The following CAMTA1 variants were observed in gnomAD, a reference collection of about 807,000 sequenced individuals.
CAMTA1 encodes calmodulin binding transcription activator 1.
CAMTA1 carries 27 observed loss-of-function variants against 170.9 expected under a neutral mutation model. The observed-to-expected ratio is 0.16, with a 90% CI of 0.12 to 0.22. CAMTA1 has a LOEUF of 0.22. CAMTA1 is among the 10% of genes least tolerant of loss of function. The probability of loss-of-function intolerance (pLI) is 1.00; values close to 1 mark genes in which losing one functional copy is unlikely to be tolerated. For synonymous variants in CAMTA1, 833 were observed against 891.5 expected, an observed-to-expected ratio of 0.93 and a Z score of 1.17; for missense variants, 1,619 against 2,217.2, an observed-to-expected ratio of 0.73 and a Z score of 5.42.
rs145576136 is a variant in CAMTA1 at position 7,672,136 on chromosome 1, G to T, written c.2779+1099G>T. The T allele has an allele frequency of 1.0e-3, 464 of 450,132 alleles. 2 individuals carry two copies. Among genetic ancestry groups the T allele is most frequent in the African/African-American group, 8.3e-3 (414 of 50,054 alleles). The allele number at this position is 450,132 out of a possible 1,614,324, so 27.9% of individuals were successfully genotyped here. A position where few individuals can be genotyped will look rare whatever the true frequency, so the allele number is the denominator to read the frequency against. ...ATGCAGGGGTGCGGAACGGCAGGGA[G>T]ACCCACCCCTGTCCTCTAACGTCAG... On this transcript the variant is annotated intron_variant, in intron 10 of 22. Coordinates refer to ENST00000303635, the MANE Select transcript of CAMTA1 (RefSeq NM_015215.4).
At chr1:7,566,926 C>T (rs570385689) in intron 6 of CAMTA1, among the ~76,000 whole-genome samples, 1 of 152,312 alleles carries the variant, frequency 6.6e-6, no homozygotes, top group Admixed American at 6.5e-5. Flanking sequence ...TCTTCATGGA[C>T]CTTGCCTGCT....
intron 6 of CAMTA1, among the ~76,000 whole-genome samples, chr1:7,563,431 G>A (rs1351415035): frequency 1.3e-5 from 2 of 152,212 alleles, no homozygotes; most frequent in African/African-American, 4.8e-5. Flanking sequence ...GAGGCTCGGT[G>A]GGACCTGCTA....
rs1655405946 is a variant in CAMTA1 at position 7,195,738 on chromosome 1, G to A, written c.303-53753G>A. Among the ~76,000 whole-genome samples, 1 of 152,232 alleles carries A rather than the reference G, an allele frequency of 6.6e-6. No homozygotes were observed. Among genetic ancestry groups the A allele is most frequent in the South Asian group, 2.1e-4 (1 of 4,832 alleles). ...GGGGTTCGATTAAGAGAGCTTGTGGGCTGGGCGCAGTGGCTCATGCCTGTA... is the reference window on the plus strand; with the variant it reads ...GGGGTTCGATTAAGAGAGCTTGTGGACTGGGCGCAGTGGCTCATGCCTGTA... On this transcript the variant is annotated intron_variant, in intron 4 of 22. Coordinates refer to ENST00000303635, the MANE Select transcript of CAMTA1 (RefSeq NM_015215.4). This position sits in a 1 kb window ranked among gnomAD's most constrained non-coding sequence, Gnocchi z 4.1.
In CAMTA1 at chr1:7,195,596, G is replaced by C. The variant is rs962798061; in HGVS notation, c.303-53895G>C. Among the ~76,000 whole-genome samples the C allele has an allele frequency of 5.9e-5, 9 of 152,158 alleles. No homozygotes were observed. The highest frequency in any genetic ancestry group is 2.2e-4 in the African/African-American group (9 of 41,428). On this transcript the variant is annotated intron_variant, in intron 4 of 22. Transcript: ENST00000303635. This position sits in a 1 kb window ranked among gnomAD's most constrained non-coding sequence, Gnocchi z 4.1. ...CTGTGACACTCTCCCGCCACACATG[G>C]CACACTCACCTTCAGCCAGGTGCCC...
At chr1:6,995,643 A>G (rs952054077) in intron 3 of CAMTA1, among the ~76,000 whole-genome samples, 2 of 152,206 alleles carry the variant, frequency 1.3e-5, no homozygotes, top group Non-Finnish European at 2.9e-5. Flanking sequence ...TTTAAAATAC[A>G]AATCATTATT....
Position 7,738,696 on chromosome 1 carries a change from C to G in CAMTA1, c.4182+214C>G, listed in dbSNP as rs2096788608. On this transcript the variant is annotated intron_variant, in intron 16 of 22. Transcript: ENST00000303635. This position sits in a 1 kb window ranked among gnomAD's most constrained non-coding sequence, Gnocchi z 4.9. ...GGAGTAGGGCCTGAATACCAGTGACCCCGGTCTCAGCAAAGCCTTCCCTCT... is the reference window on the plus strand; with the variant it reads ...GGAGTAGGGCCTGAATACCAGTGACGCCGGTCTCAGCAAAGCCTTCCCTCT... 6.6e-6 allele frequency among the ~76,000 whole-genome samples: 1 copy of G among 152,148 alleles called. No individual in the cohort carries two copies. Among genetic ancestry groups the G allele is most frequent in the Non-Finnish European group, 1.5e-5 (1 of 68,030 alleles).
At chr1:6,792,189 C>T (rs1208121015) in intron 1 of CAMTA1, among the ~76,000 whole-genome samples, 1 of 151,986 alleles carries the variant, frequency 6.6e-6, no homozygotes, top group Non-Finnish European at 1.5e-5. Flanking sequence ...AATTCCTGGC[C>T]TCAAGTGATC....
chr1:7,191,960 G>C (rs964320574), intron 4 of CAMTA1, among the ~76,000 whole-genome samples: 5 of 152,166 alleles, frequency 3.3e-5, no homozygotes, highest in Non-Finnish European at 5.9e-5. Context: ...TCCTCTCTCT[G>C]TGCCTCAACA....
intron 4 of CAMTA1, among the ~76,000 whole-genome samples, chr1:7,099,726 A>G (rs1180054715): frequency 2.0e-5 from 3 of 152,120 alleles, no homozygotes; most frequent in Non-Finnish European, 4.4e-5. Context: ...CTCTGGAACC[A>G]TCCGGGTTCT....
At chr1:7,352,829 G>T (rs1482166107) in intron 5 of CAMTA1, among the ~76,000 whole-genome samples, 3 of 152,188 alleles carry the variant, frequency 2.0e-5, no homozygotes, top group Non-Finnish European at 4.4e-5. Context: ...TCTTGGCAAG[G>T]CCCGGATCTT....
chr1:7,147,437 A>C (rs1049553332), intron 4 of CAMTA1, among the ~76,000 whole-genome samples: 9 of 151,508 alleles, frequency 5.9e-5, no homozygotes, highest in East Asian at 2.0e-4. Context: ...AAAAAAAAAA[A>C]AACACCCCAA....
At chr1:7,190,564 G>A (rs1654325648) in intron 4 of CAMTA1, among the ~76,000 whole-genome samples, 1 of 152,182 alleles carries the variant, frequency 6.6e-6, no homozygotes, top group African/African-American at 2.4e-5. Flanking sequence ...AGACTGAGGT[G>A]AGTAGCGGAG....
At chr1:7,003,783 C>T (rs1257738145) in intron 3 of CAMTA1, among the ~76,000 whole-genome samples, 2 of 152,046 alleles carry the variant, frequency 1.3e-5, no homozygotes, top group Non-Finnish European at 2.9e-5. Flanking sequence ...TATCATAGGC[C>T]AGGGATGAGA....
intron 5 of CAMTA1, among the ~76,000 whole-genome samples, chr1:7,294,776 G>A (rs1459332539): frequency 1.3e-5 from 2 of 152,240 alleles, no homozygotes; most frequent in East Asian, 1.9e-4. Flanking sequence ...TTCTGAGCCT[G>A]CAGGTGAGGA....
chr1:7,230,432 A>ACCCCCCCCCCCCCCCCCCCCCC (rs66934266), intron 4 of CAMTA1, among the ~76,000 whole-genome samples: 1 of 38,218 alleles, frequency 2.6e-5, no homozygotes. Flanking sequence ...CTCTGGGCTG[A>ACCCCCCCCCCCCCCCCCCCCCC]CCCCCCCCCC....
chr1:7,650,227 G>T (rs997139327), intron 7 of CAMTA1, among the ~76,000 whole-genome samples: 1 of 152,228 alleles, frequency 6.6e-6, no homozygotes, highest in Admixed American at 6.5e-5. Context: ...ACGGTGCAAA[G>T]AATTCCCAGC....
rs59546165 is a variant in CAMTA1, at chr1:7,311,601, G to GT, written c.438+61985dup. On this transcript the variant is annotated intron_variant, in intron 5 of 22. Coordinates refer to ENST00000303635, the MANE Select transcript of CAMTA1 (RefSeq NM_015215.4). ...ATGTATCTATTTCTATGAAAGTTGA[G>GT]TTTTTTTTTTCTAGTTGTTATTATG... 1.2e-3 allele frequency among the ~76,000 whole-genome samples: 173 copies of GT among 150,320 alleles called. 2 individuals are homozygous for GT. In the South Asian group the frequency reaches 0.019, roughly 16 times the overall value.
chr1:7,038,198 C>T (rs1703921376), intron 3 of CAMTA1, among the ~76,000 whole-genome samples: 1 of 150,176 alleles, frequency 6.7e-6, no homozygotes, highest in Non-Finnish European at 1.5e-5. Context: ...TGTTGATTTT[C>T]TTTAAGTCAA....
chr1:7,068,063 A>C (rs1709187052), intron 3 of CAMTA1, among the ~76,000 whole-genome samples: 1 of 152,232 alleles, frequency 6.6e-6, no homozygotes, highest in Non-Finnish European at 1.5e-5. Flanking sequence ...AGCTGACATC[A>C]ACCCTACCTC....
Sources: gnomAD v4.1 joint callset for allele counts (sites outside exome capture counted in the v4.1 genomes callset) on GRCh38, gnomAD v4.1.1 for gene constraint, Gnocchi (gnomAD v3.1) non-coding constraint, MANE v1.5 for transcripts, NCBI Gene and HGNC (gene_info 2026-07-23, HGNC 2026-07-21) for gene names.